The following XKR6 variants were observed in gnomAD, a reference collection of about 807,000 sequenced individuals.
XKR6 encodes the protein XK related 6.
In XKR6, 22 loss-of-function variants were observed where a neutral mutation model predicts 56.7. The ratio of observed to expected loss-of-function variants is 0.39; its 90% CI spans 0.28 to 0.55. XKR6 has a LOEUF of 0.55. Among genes scored for constraint, XKR6 ranks in the 20% least tolerant of loss-of-function variants. The pLI, the probability that XKR6 is intolerant of heterozygous loss-of-function variation, is 0.66. For synonymous variants in XKR6, 524 were observed against 387.8 expected (o/e 1.35, Z -4.13); for missense variants, 852 against 889.0 (o/e 0.96, Z 0.53).
chr8:10,933,532 T>C (rs1270073838), intron 1 of XKR6, among the ~76,000 whole-genome samples: 1 of 124,654 alleles, frequency 8.0e-6, no homozygotes, highest in East Asian at 1.9e-4. Flanking sequence ...TGGTTTTAGG[T>C]CTAACGTTTA....
intron 1 of XKR6, among the ~76,000 whole-genome samples, chr8:11,186,328 T>G (rs1483877518): frequency 6.6e-6 from 1 of 152,196 alleles, no homozygotes; most frequent in East Asian, 1.9e-4. Flanking sequence ...GGTCCACGGC[T>G]AGTTCTTCAC....
intron 1 of XKR6, among the ~76,000 whole-genome samples, chr8:11,141,397 G>T (rs544818687): frequency 1.3e-3 from 205 of 152,284 alleles, no homozygotes; most frequent in African/African-American, 4.7e-3. Context: ...CCCATGATGG[G>T]ATTCATGGCC....
intron 1 of XKR6, among the ~76,000 whole-genome samples, chr8:11,047,174 CG>C (rs1349797733): frequency 6.6e-6 from 1 of 151,998 alleles, no homozygotes; most frequent in Non-Finnish European, 1.5e-5. Context: ...AATAACTATG[CG>C]AGGGGAAGCT....
chr8:11,199,339 T>C (rs1804068955), intron 1 of XKR6, among the ~76,000 whole-genome samples: 2 of 152,236 alleles, frequency 1.3e-5, no homozygotes, highest in African/African-American at 4.8e-5. Flanking sequence ...CGTTTTTATT[T>C]AAATAAATGC....
At position 10,898,788 on chromosome 8, in the gene XKR6, G is replaced by A. The variant is rs376157005; in HGVS notation, c.1090C>T (p.Arg364Cys). The A allele has an allele frequency of 6.2e-6, 10 of 1,614,016 alleles. No homozygotes were observed. The highest frequency in any genetic ancestry group is 2.2e-5 in the East Asian group (1 of 44,876). ...ACTCGGGATGAGATGGTGAAGAGGC[G>A]CCAGAAGACCTGGATGATGGCCCCT... ...YRGAIIQVFW[R>C]LFTISSRVIS... The change falls in exon 3 of 3, where the codon CGC becomes TGC. Residue 364 changes from arginine to cysteine, a missense_variant. Arg to Cys is a radical substitution (Grantham distance 180). Transcript: ENST00000416569. The surrounding 1 kb of genome is among the most constrained non-coding windows in gnomAD (Gnocchi z 6.6).
In XKR6 at chr8:11,090,405, G is replaced by GT. The variant is rs34476021; in HGVS notation, c.764+110170dup. ...ACCCACTTCCAGTCGCTTTTTAATG[G>GT]TTTTTTTTTTTTCTTAATTTCCAGC... On this transcript the variant is annotated intron_variant, in intron 1 of 2. Transcript: ENST00000416569. Among the ~76,000 whole-genome samples the GT allele has an allele frequency of 7.0e-3, 1,043 of 147,956 alleles. 6 individuals carry two copies. The highest frequency in any genetic ancestry group is 0.014 in the Middle Eastern group (4 of 284).
Position 10,936,229 on chromosome 8 carries a change from CT to C in XKR6, c.765-11400del, listed in dbSNP as rs1212154308. Among the ~76,000 whole-genome samples, 7 of 150,620 alleles carry C rather than the reference CT, an allele frequency of 4.6e-5. No individual in the cohort carries two copies. In the East Asian group the frequency reaches 9.7e-4, roughly 21 times the overall value. ...CAGAGAGTAGGATTGCAACCCCTGC[CT>C]TTTTTTGTTTTCCATTTGCTTGGTA... is the stretch of plus-strand genomic sequence containing the variant. On this transcript the variant is annotated intron_variant, in intron 1 of 2. Coordinates refer to ENST00000416569, the MANE Select transcript of XKR6 (RefSeq NM_173683.4).
intron 1 of XKR6, among the ~76,000 whole-genome samples, chr8:11,017,297 A>T (rs752162211): frequency 6.6e-6 from 1 of 152,174 alleles, no homozygotes; most frequent in Non-Finnish European, 1.5e-5. Context: ...GACAACCCGG[A>T]CCCCAGGCTG....
At chr8:11,147,457 A>G (rs1801042708) in intron 1 of XKR6, among the ~76,000 whole-genome samples, 2 of 151,730 alleles carry the variant, frequency 1.3e-5, no homozygotes, top group African/African-American at 4.8e-5. Context: ...AGAGATCGAG[A>G]CAATCCTGGC....
intron 1 of XKR6, among the ~76,000 whole-genome samples, chr8:11,054,059 G>T (rs532394511): frequency 6.6e-6 from 1 of 152,130 alleles, no homozygotes; most frequent in Non-Finnish European, 1.5e-5. Flanking sequence ...TGTTTTGTGC[G>T]AAATAAAATA....
chr8:11,007,184 G>A (rs753886040), intron 1 of XKR6, among the ~76,000 whole-genome samples: 2 of 152,178 alleles, frequency 1.3e-5, no homozygotes, highest in Non-Finnish European at 2.9e-5. Flanking sequence ...ATGAGGGATA[G>A]GTCAGGAGAG....
intron 1 of XKR6, among the ~76,000 whole-genome samples, chr8:10,938,164 G>C (rs577478355): frequency 2.0e-5 from 3 of 152,192 alleles, no homozygotes; most frequent in East Asian, 1.9e-4. Flanking sequence ...ACCCGATTTT[G>C]CAGGTGCGTC....
intron 2 of XKR6, among the ~76,000 whole-genome samples, chr8:10,912,614 T>G (rs1800429485): frequency 7.2e-6 from 1 of 139,080 alleles, no homozygotes; most frequent in East Asian, 2.2e-4. Context: ...AGAAAGAGGG[T>G]GTGTGAGTAT....
intron 1 of XKR6, among the ~76,000 whole-genome samples, chr8:10,957,554 A>T (rs981139888): frequency 5.9e-5 from 9 of 152,194 alleles, no homozygotes; most frequent in African/African-American, 2.2e-4. Context: ...CAGGAGACAG[A>T]TAGGCAGACC....
chr8:11,114,724 C>T (rs910065160), intron 1 of XKR6, among the ~76,000 whole-genome samples: 4 of 122,148 alleles, frequency 3.3e-5, no homozygotes, highest in Non-Finnish European at 6.3e-5. Context: ...ACTTAGATCA[C>T]ATATGTGTGT....
At chr8:11,145,898 G>T (rs1311819320) in intron 1 of XKR6, among the ~76,000 whole-genome samples, 1 of 152,082 alleles carries the variant, frequency 6.6e-6, no homozygotes, top group African/African-American at 2.4e-5. Context: ...AAATGATTTT[G>T]GAAAGGAAGA....
chr8:10,995,342 C>T (rs1406568614), intron 1 of XKR6, among the ~76,000 whole-genome samples: 2 of 149,064 alleles, frequency 1.3e-5, no homozygotes, highest in Admixed American at 6.7e-5. Context: ...TGATGAAACC[C>T]TATATCACAT....
intron 1 of XKR6, among the ~76,000 whole-genome samples, chr8:11,142,951 G>T (rs978648045): frequency 6.6e-6 from 1 of 152,170 alleles, no homozygotes; most frequent in Non-Finnish European, 1.5e-5. Flanking sequence ...TTCTAAGGAT[G>T]ACAGGAAATC....
chr8:11,100,114 C>T (rs986670882), intron 1 of XKR6, among the ~76,000 whole-genome samples: 3 of 152,162 alleles, frequency 2.0e-5, no homozygotes, highest in African/African-American at 7.2e-5. Context: ...TGCAGTAGCA[C>T]AATCTCAGCT....
Sources: gnomAD v4.1 joint callset for allele counts (sites outside exome capture counted in the v4.1 genomes callset) on GRCh38, gnomAD v4.1.1 for gene constraint, Gnocchi (gnomAD v3.1) non-coding constraint, MANE v1.5 for transcripts, NCBI Gene and HGNC (gene_info 2026-07-23, HGNC 2026-07-21) for gene names.